The following HOMER2 variants were observed in gnomAD, a reference collection of about 807,000 sequenced individuals.
HOMER2 encodes the protein homer protein homolog 2.
HOMER2 carries 27 observed loss-of-function variants against 47.0 expected under a neutral mutation model. The ratio of observed to expected loss-of-function variants is 0.57; its 90% CI spans 0.42 to 0.79. The LOEUF is 0.79. Among genes scored for constraint, HOMER2 ranks in the 30% least tolerant of loss-of-function variants. HOMER2 has a pLI of 0.00. For synonymous variants in HOMER2, 161 were observed against 163.8 expected, an observed-to-expected ratio of 0.98 and a Z score of 0.13; for missense variants, 443 against 435.0, an observed-to-expected ratio of 1.02 and a Z score of -0.16.
intron 4 of HOMER2, among the ~76,000 whole-genome samples, chr15:82,860,318 C>A (rs541893446): frequency 6.6e-6 from 1 of 152,140 alleles, no homozygotes; most frequent in East Asian, 1.9e-4. Context: ...GAGCTACATG[C>A]TGAAATATTT....
In HOMER2 at chr15:82,913,863, T is replaced by C. The variant is rs185519529; in HGVS notation, c.6-21022A>G. On this transcript the variant is annotated intron_variant, in intron 1 of 8. Transcript: ENST00000450735. This position sits in a 1 kb window ranked among gnomAD's most constrained non-coding sequence, Gnocchi z 4.1. ...TAAATACAGCATTTCCACGTGGCCC[T>C]GCAATTCTTCTAGGTATATACCCAA... 3.9e-5 allele frequency among the ~76,000 whole-genome samples: 6 copies of C among 152,252 alleles called. No homozygotes were observed.
chr15:82,835,451 A>G (rs2051115937), downstream of HOMER2: 1 of 152,334 alleles, frequency 6.6e-6, no homozygotes, highest in South Asian at 2.1e-4. Flanking sequence ...ACTGGTACAC[A>G]GCAGCCTGAG....
chr15:82,875,626 C>T (rs1042759929), intron 2 of HOMER2, among the ~76,000 whole-genome samples: 2 of 152,184 alleles, frequency 1.3e-5, no homozygotes, highest in African/African-American at 4.8e-5. Context: ...AGAGACTTAA[C>T]AGTCAGTCTA....
chr15:82,867,010 C>G (rs2051990271), intron 3 of HOMER2, among the ~76,000 whole-genome samples: 1 of 152,050 alleles, frequency 6.6e-6, no homozygotes, highest in Non-Finnish European at 1.5e-5. Flanking sequence ...TGGGCCTCAA[C>G]TTTTATATAA....
chr15:82,892,804 G>A lies in HOMER2; in HGVS notation c.43C>T (p.Gln15Ter), dbSNP rs762737459. ...TTCTTCTTGGTGTTGGGGTCAATCT[G>A]GAAGACATGCGCTCGGGTGGTGAAG... ...PIFTTRAHVF[Q>*]IDPNTKKNWM... Residue 15 changes from glutamine (Q) to a stop codon, truncating the protein, a stop_gained, in exon 2 of 9, where the codon CAG becomes TAG. Transcript: ENST00000450735. LOFTEE classifies it high-confidence loss of function. 67 of 1,604,030 alleles carry A rather than the reference G, an allele frequency of 4.2e-5. No homozygotes were observed. The highest frequency in any genetic ancestry group is 5.5e-5 in the Non-Finnish European group (65 of 1,173,106).
chr15:82,853,196 T>G (rs904088605), intron 6 of HOMER2, among the ~76,000 whole-genome samples: 1 of 152,228 alleles, frequency 6.6e-6, no homozygotes, highest in Non-Finnish European at 1.5e-5. Context: ...GCTTGTGAGA[T>G]GTCGACTCAG....
At position 82,849,371 on chromosome 15, in the gene HOMER2, T is replaced by C. The variant is rs1164167393; in HGVS notation, c.*344A>G. 2.2e-5 allele frequency: 5 copies of C among 230,896 alleles called. No individual in the cohort carries two copies. Among genetic ancestry groups the C allele is most frequent in the African/African-American group, 9.0e-5 (4 of 44,418 alleles). The allele number at this position is 230,896 out of a possible 1,614,324, so 14.3% of individuals were successfully genotyped here. A position where few individuals can be genotyped will look rare whatever the true frequency, so the allele number is the denominator to read the frequency against. Reference sequence around the variant, plus strand: ...GCCTGATGGCTTGGTGTAAAGAATATCAATATTTGGATTACAAAATGCGTG... The same window carrying C: ...GCCTGATGGCTTGGTGTAAAGAATACCAATATTTGGATTACAAAATGCGTG... On this transcript the variant is annotated 3_prime_UTR_variant, in exon 9 of 9. Transcript: ENST00000450735.
intron 3 of HOMER2, among the ~76,000 whole-genome samples, chr15:82,874,684 G>C (rs987398323): frequency 6.6e-6 from 1 of 152,200 alleles, no homozygotes; most frequent in Non-Finnish European, 1.5e-5. Flanking sequence ...GGGAGTCCAA[G>C]CTAAGCGCTT....
At chr15:82,854,348 G>A (rs1044522590) in intron 6 of HOMER2, among the ~76,000 whole-genome samples, 1 of 152,190 alleles carries the variant, frequency 6.6e-6, no homozygotes, top group Non-Finnish European at 1.5e-5. Context: ...GGAGGCTGCA[G>A]TGCACTGAGA....
chr15:82,840,534 G>C (rs2051166155), exon 2 of HOMER2: 1 of 152,110 alleles, frequency 6.6e-6, no homozygotes, highest in Non-Finnish European at 1.5e-5. Flanking sequence ...GCTCACTGCA[G>C]CTTCGGCCCC....
chr15:82,849,720 TATC>T lies in HOMER2; in HGVS notation c.1024_1026del (p.Asp342del). The T allele has an allele frequency of 6.2e-7, 1 of 1,613,192 alleles. No individual in the cohort carries two copies. The highest frequency in any genetic ancestry group is 1.1e-5 in the South Asian group (1 of 90,952). ...GGCCTGGGCCTCGGCCAGCCCTAGT[TATC>T]GGTGCCCAGCTTGGAGAGCCCTCGG... On this transcript the variant is annotated inframe_deletion, in exon 9 of 9. Transcript: ENST00000450735.
At chr15:82,838,144 C>T (rs1018582934) in exon 2 of HOMER2, 1 of 152,670 alleles carries the variant, frequency 6.6e-6, no homozygotes. Context: ...AGGAAGAAGC[C>T]TCTGGCAGCT....
intron 1 of HOMER2, among the ~76,000 whole-genome samples, chr15:82,936,279 C>T (rs1027350856): frequency 1.3e-5 from 2 of 152,172 alleles, no homozygotes; most frequent in East Asian, 3.9e-4. Flanking sequence ...TCGGTCTCAG[C>T]CCTTGCTTTT....
At chr15:82,869,602 C>T (rs143803754) in intron 3 of HOMER2, among the ~76,000 whole-genome samples, 1,624 of 151,852 alleles carry the variant, frequency 0.011, 7 homozygotes, top group Non-Finnish European at 0.016. Flanking sequence ...GGATTACAGA[C>T]GCCTGCCACC....
intron 4 of HOMER2, among the ~76,000 whole-genome samples, chr15:82,859,965 C>T (rs1010028206): frequency 8.5e-5 from 13 of 152,098 alleles, no homozygotes; most frequent in Middle Eastern, 3.4e-3. Flanking sequence ...AACAAAATGT[C>T]GGCCGGGCGC....
intron 1 of HOMER2, among the ~76,000 whole-genome samples, chr15:82,918,150 A>G (rs893887908): frequency 6.6e-6 from 1 of 152,154 alleles, no homozygotes; most frequent in Non-Finnish European, 1.5e-5. Context: ...GTCTACTCTC[A>G]TAAGAATCCT....
rs553472749 is a variant in HOMER2 at position 82,849,614 on chromosome 15, C to T, written c.*101G>A. 111 of 1,007,290 alleles carry T rather than the reference C, an allele frequency of 1.1e-4. No individual in the cohort carries two copies. In the African/African-American group the frequency reaches 1.7e-3, roughly 15 times the overall value. 62.4% of individuals were successfully genotyped at this position (1,007,290 alleles called of 1,614,324 possible). A position where few individuals can be genotyped will look rare whatever the true frequency, so the allele number is the denominator to read the frequency against. ...GGTTTGGAAACACGACAAACTGCGC[C>T]TGCATTTACAGAAGCAATGCACACA... On this transcript the variant is annotated 3_prime_UTR_variant, in exon 9 of 9. Coordinates refer to ENST00000450735, the MANE Select transcript of HOMER2 (RefSeq NM_004839.4).
chr15:82,855,511 G>A (rs903310703), intron 5 of HOMER2, among the ~76,000 whole-genome samples: 1 of 152,110 alleles, frequency 6.6e-6, no homozygotes, highest in Non-Finnish European at 1.5e-5. Flanking sequence ...AGCCATGGAC[G>A]GACCTCCAGG....
At chr15:82,900,733 G>C (rs947361180) in intron 1 of HOMER2, among the ~76,000 whole-genome samples, 1 of 152,156 alleles carries the variant, frequency 6.6e-6, no homozygotes, top group Non-Finnish European at 1.5e-5. Context: ...TGCACCCTAG[G>C]AAGAGTCTGC....
Sources: allele counts gnomAD v4.1 joint callset (sites outside exome capture counted in the v4.1 genomes callset), GRCh38; gene constraint gnomAD v4.1.1; non-coding constraint Gnocchi (gnomAD v3.1); transcripts MANE v1.5; gene names NCBI Gene and HGNC (gene_info 2026-07-23, HGNC 2026-07-21).